MUC6: variants seen among roughly 807,000 people sequenced by gnomAD.
MUC6 encodes the protein mucin 6, oligomeric mucus/gel-forming (gene/pseudogene).
A neutral mutation model predicts 201.5 loss-of-function variants in MUC6; 188 were observed. The observed-to-expected ratio is 0.93, with a 90% CI of 0.83 to 1.05. The LOEUF is 1.05. Among genes scored for constraint, MUC6 ranks in the 50% least tolerant of loss-of-function variants. MUC6 has a pLI of 0.00. For synonymous variants in MUC6, 1,228 were observed against 1,389.4 expected (o/e 0.88, Z 2.58); for missense variants, 2,706 against 3,256.9 (o/e 0.83, Z 4.12).
Position 1,016,521 on chromosome 11 carries a change from G to A in MUC6, c.6280C>T (p.Leu2094=), listed in dbSNP as rs748526881. ...SSSFISSSSW[L]PQNSSSRPPS... is the part of the protein sequence containing the mutation. ...GGCCTTGAGCTAGAGTTCTGAGGCAGCCAAGACGAGGAGGATATGAAGGAA... is the reference window on the plus strand; with the variant it reads ...GGCCTTGAGCTAGAGTTCTGAGGCAACCAAGACGAGGAGGATATGAAGGAA... The change falls in exon 31 of 33, where the codon CTG becomes TTG. Residue 2094 remains leucine (L), a synonymous_variant. Transcript: ENST00000421673. 2 of 1,549,742 alleles carry A rather than the reference G, an allele frequency of 1.3e-6. No individual in the cohort carries two copies. The highest frequency in any genetic ancestry group is 1.7e-6 in the Non-Finnish European group (2 of 1,155,090).
At chr11:1,014,446 C>T (rs895283728) in intron 31 of MUC6, among the ~76,000 whole-genome samples, 1 of 152,118 alleles carries the variant, frequency 6.6e-6, no homozygotes, top group African/African-American at 2.4e-5. Context: ...GCAGGAGCTC[C>T]GTGTGCCCCA....
rs1856614335 is a variant in MUC6 at position 1,016,446 on chromosome 11, T to A, written c.6355A>T (p.Thr2119Ser). The part of the protein sequence containing the change: ...TQLPHLSSAT[T>S]PVSTTNQLSS... ...AGCTGATTAGTTGTGGAAACAGGAG[T>A]GGTTGCAGAACTCAAGTGGGGGAGT... Residue 2119 changes from threonine (T) to serine (S), a missense_variant, in exon 31 of 33, where the codon ACT becomes TCT. Transcript: ENST00000421673. 6.2e-7 allele frequency: 1 copy of A among 1,612,656 alleles called. No homozygotes were observed. Among genetic ancestry groups the A allele is most frequent in the South Asian group, 1.1e-5 (1 of 91,038 alleles).
chr11:1,025,420 C>A lies in MUC6; in HGVS notation c.2800-53G>T, dbSNP rs902289583. On this transcript the variant is annotated intron_variant, in intron 22 of 32. Coordinates refer to ENST00000421673, the MANE Select transcript of MUC6 (RefSeq NM_005961.3). Reference sequence around the variant, plus strand: ...CCTGTCTGTCTCCCCCGGCCCCTGGCACAGCCGTGCTGGACCGAGCTCTCA... The same window carrying A: ...CCTGTCTGTCTCCCCCGGCCCCTGGAACAGCCGTGCTGGACCGAGCTCTCA... The A allele has an allele frequency of 8.9e-6, 14 of 1,571,704 alleles. 1 individual carries two copies. The highest frequency in any genetic ancestry group is 1.9e-4 in the Middle Eastern group (1 of 5,240).
chr11:1,016,549 AGAG>A lies in MUC6; in HGVS notation c.6249_6251del (p.Ser2086del). 1 of 1,567,612 alleles carries A rather than the reference AGAG, an allele frequency of 6.4e-7. No homozygotes were observed. Among genetic ancestry groups the A allele is most frequent in the South Asian group, 1.1e-5 (1 of 89,472 alleles). ...AAGACGAGGAGGATATGAAGGAAGA[AGAG>A]GCTGTAGCTGTGCTGAATGAGCTGT... is the stretch of plus-strand genomic sequence containing the variant. On this transcript the variant is annotated inframe_deletion, in exon 31 of 33. Coordinates refer to ENST00000421673, the MANE Select transcript of MUC6 (RefSeq NM_005961.3).
At chr11:1,030,864 T>TG in intron 6 of MUC6, 83 bp downstream of exon 6, 1 of 1,528,314 alleles carries the variant, frequency 6.5e-7, no homozygotes, top group South Asian at 1.2e-5. Flanking sequence ...GCGTCTGTGA[T>TG]GCGGCTGCTT....
Position 1,025,904 on chromosome 11 carries a change from A to T in MUC6, c.2700T>A (p.Gly900=). The T allele has an allele frequency of 1.2e-6, 2 of 1,610,968 alleles. No homozygotes were observed. The change falls in exon 22 of 33, where the codon GGT becomes GGA. Residue 900 remains glycine, a synonymous_variant. Transcript: ENST00000421673. ...CEYILATDVC[G]VNDSQPTFKI... ...TGAAGGTGGGCTGTGAGTCGTTGAC[A>T]CCACAGACGTCCTGCAGGGAGAGGG... is the stretch of plus-strand genomic sequence containing the variant.
In MUC6 at chr11:1,030,698, G is replaced by A. The variant is rs377701685; in HGVS notation, c.767C>T (p.Ala256Val). 1.4e-4 allele frequency: 212 copies of A among 1,548,172 alleles called. No homozygotes were observed. Among genetic ancestry groups the A allele is most frequent in the Non-Finnish European group, 1.6e-4 (185 of 1,148,580 alleles). The change falls in exon 7 of 33, where the codon GCG becomes GTG. Residue 256 changes from alanine (A) to valine (V), a missense_variant. By Grantham distance (64) the Ala-to-Val change is moderately conservative (BLOSUM62 0). Transcript: ENST00000421673. ...TGGCTGGGGGGCTGCGGCCACGTCC[G>A]CCTGGCAGCTTAGCACGAAGGGCTC... The part of the protein sequence containing the change: ...SKEPFVLSCQ[A>V]DVAAAPQPGP...
rs796958041 is a variant in MUC6 at position 1,018,312 on chromosome 11, G to T, written c.4489C>A (p.His1497Asn). Residue 1497 changes from histidine (H) to asparagine (N), a missense_variant, in exon 31 of 33, where the codon CAC (histidine) becomes AAC (asparagine). Physicochemically the swap from His to Asn is moderately conservative, Grantham distance 68. Around this residue, in one of 10 missense-constraint regions of MUC6, gnomAD observed 128 missense variants for 206.5 expected, o/e 0.62. Coordinates refer to ENST00000421673, the MANE Select transcript of MUC6 (RefSeq NM_005961.3). The stretch of plus-strand genomic sequence containing the variant: ...GTCGGCGTTATTGGTGGGGCTGTGT[G>T]GGTGGACCCTGTGGCCTTGAGCGTT... The part of the protein sequence containing the change: ...PTTLKATGST[H>N]TAPPITPTTS... 1 of 1,562,250 alleles carries T rather than the reference G, an allele frequency of 6.4e-7. No homozygotes were observed. Among genetic ancestry groups the T allele is most frequent in the African/African-American group, 1.5e-5 (1 of 66,640 alleles).
At chr11:1,032,199 C>T (rs1857122015) in intron 2 of MUC6, 146 bp from the exon 3 acceptor site, 1 of 1,121,132 alleles carries the variant, frequency 8.9e-7, no homozygotes, top group Non-Finnish European at 1.3e-6. Context: ...ATCCGATGAA[C>T]CTGAGTGCTA....
Position 1,025,088 on chromosome 11 carries a change from A to G in MUC6, c.2986-5T>C. 6.2e-7 allele frequency: 1 copy of G among 1,612,896 alleles called. No homozygotes were observed. Among genetic ancestry groups the G allele is most frequent in the Non-Finnish European group, 8.5e-7 (1 of 1,179,830 alleles). On this transcript the variant is annotated splice_region_variant and splice_polypyrimidine_tract_variant and intron_variant, in intron 23 of 32. Coordinates refer to ENST00000421673, the MANE Select transcript of MUC6 (RefSeq NM_005961.3). ...ACACAAGCCGCAGAGGGGATCCTGC[A>G]GACGGTGGCATCAGGCCGGGCCCAG... is the stretch of plus-strand genomic sequence containing the variant.
At position 1,026,311 on chromosome 11, in the gene MUC6, CG is replaced by C; in HGVS notation, c.2546+15del. 6.4e-7 allele frequency: 1 copy of C among 1,561,802 alleles called. No individual in the cohort carries two copies. The highest frequency in any genetic ancestry group is 1.4e-5 in the African/African-American group (1 of 73,008). The stretch of plus-strand genomic sequence containing the variant: ...CCCCAGGAGCCCAGGGCGTCTGAAG[CG>C]AGGCTTTGTCTCACCAGGTCCTGCA... On this transcript the variant is annotated intron_variant, in intron 20 of 32. Transcript: ENST00000421673.
intron 1 of MUC6, among the ~76,000 whole-genome samples, chr11:1,036,341 G>A (rs1270047318): frequency 6.6e-6 from 1 of 152,190 alleles, no homozygotes; most frequent in Admixed American, 6.5e-5. Context: ...CTCCCCCGCT[G>A]GCTGCTGTGC....
Position 1,025,953 on chromosome 11 carries a change from CG to C in MUC6, c.2689-39del, listed in dbSNP as rs758930340. 215 of 1,594,902 alleles carry C rather than the reference CG, an allele frequency of 1.3e-4. 1 individual carries two copies. The highest frequency in any genetic ancestry group is 1.8e-4 in the Non-Finnish European group (208 of 1,171,336). ...GGCGCTGAGGAGGAGCCCTGGAGGC[CG>C]TGCCTCTGGGTCCCCGGCCCCTGCG... On this transcript the variant is annotated intron_variant, in intron 21 of 32. Transcript: ENST00000421673.
At chr11:1,014,701 G>A (rs920233603) in intron 31 of MUC6, among the ~76,000 whole-genome samples, 4 of 152,208 alleles carry the variant, frequency 2.6e-5, no homozygotes, top group South Asian at 2.1e-4. Context: ...TCTGCTGCCC[G>A]TGTGCCCTCC....
At chr11:1,013,762 C>A (rs115130126) in intron 32 of MUC6, 129 bp from the exon 33 acceptor site, 4 of 1,384,956 alleles carry the variant, frequency 2.9e-6, no homozygotes, top group Non-Finnish European at 4.0e-6. Context: ...GGGGCCAGGG[C>A]GGTGTTGGGC....
chr11:1,024,207 G>A, intron 24 of MUC6, 104 bp from the exon 25 acceptor site: 1 of 1,355,550 alleles, frequency 7.4e-7, no homozygotes, highest in Admixed American at 2.1e-5. Context: ...GAGTGTGGCG[G>A]TAAGGGCGCT....
At chr11:1,032,156 T>A (rs943216346) in intron 2 of MUC6, 103 bp from the exon 3 acceptor site, 6 of 1,468,912 alleles carry the variant, frequency 4.1e-6, no homozygotes, top group Non-Finnish European at 5.5e-6. Flanking sequence ...GCCAGGGTTT[T>A]TGAGTTGGGG....
At chr11:1,020,051 C>T (rs758499092) in intron 29 of MUC6, 39 bp downstream of exon 29, 54 of 1,604,884 alleles carry the variant, frequency 3.4e-5, no homozygotes, top group South Asian at 1.5e-4. Context: ...GGACCTCCTG[C>T]AGCTGCCCTC....
Position 1,025,935 on chromosome 11 carries a change from A to AT in MUC6, c.2689-21_2689-20insA. ...GACGTCCTGCAGGGAGAGGGCGCTG[A>AT]GGAGGAGCCCTGGAGGCCGTGCCTC... is the stretch of plus-strand genomic sequence containing the variant. On this transcript the variant is annotated intron_variant, in intron 21 of 32. Transcript: ENST00000421673. 6.2e-7 allele frequency: 1 copy of AT among 1,601,994 alleles called. No individual in the cohort carries two copies. The highest frequency in any genetic ancestry group is 1.1e-5 in the South Asian group (1 of 89,170).
Sources: gnomAD v4.1 joint callset for allele counts (sites outside exome capture counted in the v4.1 genomes callset) on GRCh38, gnomAD v4.1.1 for gene constraint, gnomAD v4.1.1 regional missense constraint, MANE v1.5 for transcripts, NCBI Gene and HGNC (gene_info 2026-07-23, HGNC 2026-07-21) for gene names.